CSMD1: variants seen among roughly 807,000 people sequenced by gnomAD.
CSMD1 encodes the protein CUB and sushi domain-containing protein 1.
Under a neutral mutation model 417.5 loss-of-function variants are expected in CSMD1, and 213 were observed. The observed-to-expected ratio is 0.51, with a 90% CI of 0.46 to 0.57. The LOEUF is 0.57. Among genes scored for constraint, CSMD1 ranks in the 20% least tolerant of loss-of-function variants. The pLI is 0.00. For missense variants in CSMD1, 6,923 were observed against 4,529.7 expected (o/e 1.53, Z -15.17); for synonymous variants, 2,862 against 1,736.8 (o/e 1.65, Z -16.11).
intron 40 of CSMD1, among the ~76,000 whole-genome samples, chr8:3,147,542 A>G (rs2129034015): frequency 6.6e-6 from 1 of 152,336 alleles, no homozygotes; most frequent in Non-Finnish European, 1.5e-5. Flanking sequence ...CTGAGTCAGA[A>G]TTTAGGAAAG....
At chr8:3,877,980 A>G (rs1033674127) in intron 5 of CSMD1, among the ~76,000 whole-genome samples, 5 of 151,886 alleles carry the variant, frequency 3.3e-5, no homozygotes, top group Non-Finnish European at 5.9e-5. Flanking sequence ...TTTTTTTTAA[A>G]CTTAAACTGA....
Position 4,315,335 on chromosome 8 carries a change from T to A in CSMD1, c.415+104618A>T, listed in dbSNP as rs534506429. Among the ~76,000 whole-genome samples the A allele has an allele frequency of 2.0e-5, 3 of 152,278 alleles. No individual in the cohort carries two copies. In the South Asian group the frequency reaches 6.2e-4, roughly 32 times the overall value. On this transcript the variant is annotated intron_variant, in intron 3 of 69. Transcript: ENST00000635120. ...GTCCACAGCGTCTTCTAGCTGCTGTTGCTGCACTGTGAGCCCCAGGTGGCA... is the reference window on the plus strand; with the variant it reads ...GTCCACAGCGTCTTCTAGCTGCTGTAGCTGCACTGTGAGCCCCAGGTGGCA...
At chr8:3,737,813 A>G (rs1241761463) in intron 6 of CSMD1, among the ~76,000 whole-genome samples, 1 of 152,254 alleles carries the variant, frequency 6.6e-6, no homozygotes, top group Non-Finnish European at 1.5e-5. Flanking sequence ...AATAGCCAAG[A>G]TGGTAGTATT....
At chr8:3,069,770 T>C (rs1275917474) in intron 49 of CSMD1, among the ~76,000 whole-genome samples, 4 of 152,166 alleles carry the variant, frequency 2.6e-5, no homozygotes, top group Non-Finnish European at 2.9e-5. Context: ...CAGTGCCCCA[T>C]TGGAGACTCT....
At chr8:4,884,848 T>G (rs6986027) in intron 1 of CSMD1, among the ~76,000 whole-genome samples, 128,115 of 151,884 alleles carry the variant, frequency 0.84, 54,509 homozygotes, top group East Asian at 0.96. Context: ...GTATTTGGGG[T>G]TCTCTTGAAT....
chr8:3,761,310 G>A (rs1451300779), intron 5 of CSMD1, among the ~76,000 whole-genome samples: 3 of 151,832 alleles, frequency 2.0e-5, no homozygotes, highest in South Asian at 4.2e-4. Flanking sequence ...ATGTACACAC[G>A]CACATACACA....
intron 5 of CSMD1, among the ~76,000 whole-genome samples, chr8:3,929,776 C>G (rs1051391440): frequency 1.7e-4 from 26 of 149,748 alleles, no homozygotes; most frequent in Admixed American, 1.1e-3. Context: ...ATTCTCCTGT[C>G]TCAGCCTCCT....
At chr8:3,434,447 T>C (rs561837508) in intron 12 of CSMD1, among the ~76,000 whole-genome samples, 1 of 152,354 alleles carries the variant, frequency 6.6e-6, no homozygotes, top group Admixed American at 6.5e-5. Context: ...TACAAGCCTA[T>C]ATTAAAGAAA....
intron 3 of CSMD1, among the ~76,000 whole-genome samples, chr8:4,267,807 G>A (rs907687008): frequency 5.3e-5 from 8 of 152,048 alleles, no homozygotes; most frequent in African/African-American, 1.9e-4. Context: ...AAGGTACATT[G>A]CAGGTGTGCA....
At chr8:4,207,984 G>C (rs1800083221) in intron 3 of CSMD1, among the ~76,000 whole-genome samples, 1 of 152,078 alleles carries the variant, frequency 6.6e-6, no homozygotes, top group South Asian at 2.1e-4. Context: ...GCATGAAATA[G>C]TTAAGCAGAG....
At chr8:4,979,874 A>G (rs1050154539) in intron 1 of CSMD1, among the ~76,000 whole-genome samples, 3 of 145,024 alleles carry the variant, frequency 2.1e-5, no homozygotes, top group African/African-American at 8.5e-5. Context: ...CATCTCTACT[A>G]AAAATACAAA....
Position 3,408,203 on chromosome 8 carries a change from C to T in CSMD1, c.1767G>A (p.Thr589=). 4 of 1,605,382 alleles carry T rather than the reference C, an allele frequency of 2.5e-6. No individual in the cohort carries two copies. The highest frequency in any genetic ancestry group is 2.6e-6 in the Non-Finnish European group (3 of 1,174,806). ...GTGACAGAATAATCCCAGATGATGC[C>T]GTAAAGTTGAAGAAACATGAAACTG... ...SCVFSCFFNF[T]ASSGIILSPN... Residue 589 remains threonine, a synonymous_variant, in exon 14 of 70, where the codon ACG becomes ACA. Transcript: ENST00000635120.
At chr8:4,812,093 C>T (rs757809592) in intron 1 of CSMD1, among the ~76,000 whole-genome samples, 19 of 152,258 alleles carry the variant, frequency 1.2e-4, no homozygotes, top group African/African-American at 2.4e-4. Flanking sequence ...AAAATTCCTA[C>T]GCAGCTGGAC....
chr8:3,820,232 T>C (rs77548753), intron 5 of CSMD1, among the ~76,000 whole-genome samples: 173 of 152,260 alleles, frequency 1.1e-3, no homozygotes, highest in African/African-American at 3.9e-3. Flanking sequence ...GTCAGCCATA[T>C]AGACACACTT....
chr8:4,838,893 A>C (rs921906146), intron 1 of CSMD1, among the ~76,000 whole-genome samples: 5 of 152,206 alleles, frequency 3.3e-5, no homozygotes, highest in Non-Finnish European at 7.3e-5. Flanking sequence ...TACTGCCCAG[A>C]ACTTAAGCTC....
At chr8:4,721,081 G>T (rs1469465446) in intron 1 of CSMD1, among the ~76,000 whole-genome samples, 1 of 152,138 alleles carries the variant, frequency 6.6e-6, no homozygotes, top group Non-Finnish European at 1.5e-5. Flanking sequence ...AGTAACATGA[G>T]GGTTAAGGAG....
intron 3 of CSMD1, among the ~76,000 whole-genome samples, chr8:4,289,667 T>A (rs1383107371): frequency 6.6e-6 from 1 of 152,160 alleles, no homozygotes; most frequent in Non-Finnish European, 1.5e-5. Context: ...CTGAGTAACA[T>A]GTGCTCAAGA....
chr8:4,545,635 C>G (rs1191763517), intron 2 of CSMD1, among the ~76,000 whole-genome samples: 1 of 152,168 alleles, frequency 6.6e-6, no homozygotes, highest in Non-Finnish European at 1.5e-5. Context: ...TGGTTCGTGG[C>G]TAGGAGTAAG....
chr8:3,867,869 C>A (rs1176720700), intron 5 of CSMD1, among the ~76,000 whole-genome samples: 1 of 152,064 alleles, frequency 6.6e-6, no homozygotes, highest in Non-Finnish European at 1.5e-5. Flanking sequence ...GGACCACTGG[C>A]CAGATCTTCC....
Sources: allele counts gnomAD v4.1 joint callset (sites outside exome capture counted in the v4.1 genomes callset), GRCh38; gene constraint gnomAD v4.1.1; transcripts MANE v1.5; gene names NCBI Gene and HGNC (gene_info 2026-07-23, HGNC 2026-07-21).